NECAB2: variants seen among roughly 807,000 people sequenced by gnomAD.
NECAB2 encodes the protein N-terminal EF-hand calcium binding protein 2.
NECAB2 carries 68 observed loss-of-function variants against 51.9 expected under a neutral mutation model. That is an observed-to-expected ratio of 1.31 (90% CI 1.08 to 1.60). The LOEUF is 1.60. Among genes scored for constraint, NECAB2 ranks in the 40% most tolerant of loss-of-function variants. The pLI is 0.00. For synonymous variants in NECAB2, 329 were observed against 203.5 expected, an observed-to-expected ratio of 1.62 and a Z score of -5.25; for missense variants, 854 against 490.3, an observed-to-expected ratio of 1.74 and a Z score of -7.00.
In NECAB2 at chr16:83,997,345, A is replaced by G. The variant is rs574724795; in HGVS notation, c.849+76A>G. On this transcript the variant is annotated intron_variant, in intron 9 of 12. Coordinates refer to ENST00000305202, the MANE Select transcript of NECAB2 (RefSeq NM_019065.3). ...GGACTGCCAAGATCCAAGTGGCTCA[A>G]TGCCCCTGACCCCGCTCTCCCTGCT... 49 of 1,585,128 alleles carry G rather than the reference A, an allele frequency of 3.1e-5. No individual in the cohort carries two copies. The African/African-American group carries it at 6.2e-4, about 20-fold the overall frequency.
chr16:83,988,960 C>A lies in NECAB2; in HGVS notation c.460-1534C>A, dbSNP rs145450159. ...GTTGTGGAGGAGAAATCAGGAAAAGCTTCATTTTTTACTCCCCGGAAAATA... is the reference window on the plus strand; with the variant it reads ...GTTGTGGAGGAGAAATCAGGAAAAGATTCATTTTTTACTCCCCGGAAAATA... On this transcript the variant is annotated intron_variant, in intron 5 of 12. Transcript: ENST00000305202. 4.3e-3 allele frequency among the ~76,000 whole-genome samples: 655 copies of A among 152,240 alleles called. 4 individuals carry two copies. The highest frequency in any genetic ancestry group is 0.015 in the African/African-American group (605 of 41,524).
At position 83,994,224 on chromosome 16, in the gene NECAB2, G is replaced by A. The variant is rs1391333598; in HGVS notation, c.597-78G>A. ...GAGTCCACTGTCTTGCGTAATAAAT[G>A]CCTGTGGAAGATGCTGGAAGTGGTA... On this transcript the variant is annotated intron_variant, in intron 6 of 12. Transcript: ENST00000305202. The A allele has an allele frequency of 4.7e-6, 6 of 1,289,942 alleles. No homozygotes were observed. The East Asian group carries it at 1.4e-4, about 30-fold the overall frequency. 79.9% of individuals were successfully genotyped at this position (1,289,942 alleles called of 1,614,324 possible).
At chr16:83,978,413 C>T in intron 2 of NECAB2, 31 bp from the exon 3 acceptor site, 3 of 1,590,440 alleles carry the variant, frequency 1.9e-6, no homozygotes, top group Non-Finnish European at 2.6e-6. Context: ...TCTGCAGACA[C>T]CAGCTCCTTT....
chr16:83,968,986 T>G (rs1216031545), intron 1 of NECAB2, 137 bp downstream of exon 1: 19 of 427,232 alleles, frequency 4.4e-5, no homozygotes, highest in Non-Finnish European at 6.2e-5. Flanking sequence ...CCCCTCCGCG[T>G]GCCGGAGCGG....
At chr16:83,965,992 C>G (rs1171161784), upstream of NECAB2, 2 of 1,579,426 alleles carry the variant, frequency 1.3e-6, no homozygotes, top group East Asian at 4.6e-5. Context: ...GGAAGGAGAC[C>G]AGGAAGCCAC....
chr16:84,002,575 G>C lies in NECAB2; in HGVS notation c.*229G>C, dbSNP rs573333854. The C allele has an allele frequency of 3.3e-6, 2 of 608,046 alleles. No homozygotes were observed. The highest frequency in any genetic ancestry group is 1.9e-5 in the African/African-American group (1 of 53,746). 37.7% of individuals were successfully genotyped at this position (608,046 alleles called of 1,614,324 possible). On this transcript the variant is annotated 3_prime_UTR_variant, in exon 13 of 13. Coordinates refer to ENST00000305202, the MANE Select transcript of NECAB2 (RefSeq NM_019065.3). ...GGTGAAGCCCAAGGTTGAAGGGGGC[G>C]GCTTCCTGGAGCCAGCACCCCTGCC...
At position 84,002,515 on chromosome 16, in the gene NECAB2, G is replaced by A. The variant is rs934766664; in HGVS notation, c.*169G>A. 14 of 832,106 alleles carry A rather than the reference G, an allele frequency of 1.7e-5. No individual in the cohort carries two copies. The African/African-American group carries it at 2.1e-4, about 12-fold the overall frequency. 51.5% of individuals were successfully genotyped at this position (832,106 alleles called of 1,614,324 possible). ...AAGGAGGCCGCCCCTGCCCCCACCT[G>A]AGAAGGCAGAGCAGTGTCTGTGCTG... is the stretch of plus-strand genomic sequence containing the variant. On this transcript the variant is annotated 3_prime_UTR_variant, in exon 13 of 13. Transcript: ENST00000305202.
At chr16:83,999,649 C>A (rs1015311081) in intron 10 of NECAB2, among the ~76,000 whole-genome samples, 2 of 152,106 alleles carry the variant, frequency 1.3e-5, no homozygotes, top group Non-Finnish European at 1.5e-5. Context: ...AGAGAGGATT[C>A]TGGGGCGGCA....
chr16:83,987,246 TC>T (rs1217144260), intron 5 of NECAB2, among the ~76,000 whole-genome samples: 1 of 152,230 alleles, frequency 6.6e-6, no homozygotes, highest in African/African-American at 2.4e-5. Context: ...GACTATTCTT[TC>T]TAACAGTGCC....
chr16:83,994,334 C>G lies in NECAB2; in HGVS notation c.629C>G (p.Ala210Gly). 6.2e-7 allele frequency: 1 copy of G among 1,614,212 alleles called. No homozygotes were observed. The highest frequency in any genetic ancestry group is 1.3e-5 in the African/African-American group (1 of 75,054). ...QNHIKPSHSA[A>G]QTWCGSPTPA... ...CACATCAAACCCAGCCACAGCGCGG[C>G]ACAGACCTGGTGTGGAAGCCCCACT... The change falls in exon 7 of 13, where the codon GCA becomes GGA. Residue 210 changes from alanine (A) to glycine (G), a missense_variant. Transcript: ENST00000305202.
intron 5 of NECAB2, among the ~76,000 whole-genome samples, chr16:83,984,913 A>G (rs558735468): frequency 2.0e-5 from 3 of 152,276 alleles, no homozygotes; most frequent in African/African-American, 7.2e-5. Context: ...AGCTCCTATC[A>G]TTATTATTTC....
Position 83,968,476 on chromosome 16 carries a change from T to C in NECAB2, c.-173T>C, listed in dbSNP as rs1223560205. Reference sequence around the variant, plus strand: ...CGGGGAGCGGGCACGTGGCTCGGGGTCCGGCCGGCCCGCCCCCCGGCGCCG... The same window carrying C: ...CGGGGAGCGGGCACGTGGCTCGGGGCCCGGCCGGCCCGCCCCCCGGCGCCG... On this transcript the variant is annotated 5_prime_UTR_variant, in exon 1 of 13. Coordinates refer to ENST00000305202, the MANE Select transcript of NECAB2 (RefSeq NM_019065.3). 2.8e-5 allele frequency among the ~76,000 whole-genome samples: 4 copies of C among 142,334 alleles called. No individual in the cohort carries two copies. Among genetic ancestry groups the C allele is most frequent in the Admixed American group, 1.4e-4 (2 of 14,534 alleles). The allele number at this position is 142,334 out of a possible 152,430, so 93.4% of individuals were successfully genotyped here.
chr16:83,998,386 C>A lies in NECAB2; in HGVS notation c.962+69C>A, dbSNP rs963422339. On this transcript the variant is annotated intron_variant, in intron 10 of 12. Transcript: ENST00000305202. ...TCTGCCTGGCAGTGGAGGAACAGGG[C>A]AGGACTAGGCTTTGCCCTAAGTAGT... The A allele has an allele frequency of 4.1e-6, 6 of 1,451,406 alleles. No homozygotes were observed. The African/African-American group carries it at 8.4e-5, about 20-fold the overall frequency. The allele number at this position is 1,451,406 out of a possible 1,614,324, so 89.9% of individuals were successfully genotyped here.
Position 83,994,311 on chromosome 16 carries a change from CATCAAACCCAGCCACAGCGCGGCACAG to C in NECAB2, c.608_634del (p.Ile203_Gln211del). ...CCCATCCAAACTGCAGACAGAACCA[CATCAAACCCAGCCACAGCGCGGCACAG>C]ACCTGGTGTGGAAGCCCCACTCCCG... On this transcript the variant is annotated inframe_deletion, in exon 7 of 13. Coordinates refer to ENST00000305202, the MANE Select transcript of NECAB2 (RefSeq NM_019065.3). 6.2e-7 allele frequency: 1 copy of C among 1,614,228 alleles called. No homozygotes were observed. The highest frequency in any genetic ancestry group is 2.2e-5 in the East Asian group (1 of 44,892).
At chr16:83,976,978 G>C (rs1463573038) in intron 2 of NECAB2, among the ~76,000 whole-genome samples, 1 of 152,252 alleles carries the variant, frequency 6.6e-6, no homozygotes, top group East Asian at 1.9e-4. Flanking sequence ...GGTTAGGCAG[G>C]TTGTGCGCTG....
chr16:83,992,926 C>T (rs975307833), intron 6 of NECAB2, among the ~76,000 whole-genome samples: 7 of 151,840 alleles, frequency 4.6e-5, no homozygotes, highest in African/African-American at 1.2e-4. Context: ...TTTCTCCTGC[C>T]GCAGAACAGA....
At chr16:83,967,502 T>G (rs1597187656), upstream of NECAB2, among the ~76,000 whole-genome samples, 1 of 38,802 alleles carries the variant, frequency 2.6e-5, no homozygotes, top group East Asian at 8.4e-4. Flanking sequence ...GGTGGGTGGA[T>G]GGATGGGAGG....
At chr16:83,997,387 G>A in intron 9 of NECAB2, 118 bp downstream of exon 9, 1 of 1,337,360 alleles carries the variant, frequency 7.5e-7, no homozygotes, top group Non-Finnish European at 1.0e-6. Context: ...CACCAGGAGG[G>A]GAGATGTCGC....
chr16:84,001,029 C>T (rs190883079), intron 11 of NECAB2, among the ~76,000 whole-genome samples: 1 of 152,068 alleles, frequency 6.6e-6, no homozygotes, highest in Non-Finnish European at 1.5e-5. Context: ...CCTGCTTTCC[C>T]CAGGGTTGCT....
Sources: allele counts gnomAD v4.1 joint callset (sites outside exome capture counted in the v4.1 genomes callset), GRCh38; gene constraint gnomAD v4.1.1; transcripts MANE v1.5; gene names NCBI Gene and HGNC (gene_info 2026-07-23, HGNC 2026-07-21).